ARF1: variants seen among roughly 807,000 people sequenced by gnomAD.
The protein encoded by ARF1 is ARF GTPase 1, also known as ADP-ribosylation factor 1.
A neutral mutation model predicts 18.0 loss-of-function variants in ARF1; 1 was observed. That is an observed-to-expected ratio of 0.06 (90% CI 0.02 to 0.26). ARF1 has a LOEUF of 0.26. Ranked by LOEUF, ARF1 falls within the 10% of genes least tolerant of loss-of-function variation. The pLI, the probability that ARF1 is intolerant of heterozygous loss-of-function variation, is 1.00. For missense variants in ARF1, 73 were observed against 247.2 expected (o/e 0.30, Z 4.73); for synonymous variants, 112 against 96.3 (o/e 1.16, Z -0.95).
intron 1 of ARF1, chr1:228,091,149 C>T (rs2032564556): frequency 6.6e-6 from 1 of 152,228 alleles, no homozygotes; most frequent in Non-Finnish European, 1.5e-5. Flanking sequence ...TCCCAGAACT[C>T]AGTCCATGAG....
chr1:228,098,573 G>C lies in ARF1; in HGVS notation c.*560G>C, dbSNP rs568854378. The C allele has an allele frequency of 6.5e-6, 1 of 152,772 alleles. No homozygotes were observed. Among genetic ancestry groups the C allele is most frequent in the Non-Finnish European group, 1.5e-5 (1 of 68,206 alleles). The allele number at this position is 152,772 out of a possible 1,614,324, so 9.5% of individuals were successfully genotyped here. On this transcript the variant is annotated 3_prime_UTR_variant, in exon 5 of 5. Transcript: ENST00000272102. ...AGGTGGTGGTGGCGCAGCAGACTGC[G>C]ATCAATTCTGCATGGTCACAGTAGA...
chr1:228,095,490 A>G (rs1382748313), intron 1 of ARF1, among the ~76,000 whole-genome samples: 1 of 152,106 alleles, frequency 6.6e-6, no homozygotes, highest in Non-Finnish European at 1.5e-5. Context: ...ACCCGACCCA[A>G]CACAAATTTC....
At chr1:228,088,712 G>A (rs927209701) in intron 1 of ARF1, among the ~76,000 whole-genome samples, 1 of 152,132 alleles carries the variant, frequency 6.6e-6, no homozygotes, top group Admixed American at 6.5e-5. Flanking sequence ...GTCAGTGCAT[G>A]AGCAGCCTGG....
chr1:228,095,690 C>G (rs767446745), intron 1 of ARF1, among the ~76,000 whole-genome samples: 8 of 152,316 alleles, frequency 5.3e-5, no homozygotes, highest in African/African-American at 7.2e-5. Context: ...TTTTCTCTGC[C>G]TGGTCAATCA....
Position 228,089,370 on chromosome 1 carries a change from G to T in ARF1, c.-38+6605G>T, listed in dbSNP as rs2032501887. On this transcript the variant is annotated intron_variant, in intron 1 of 4. Transcript: ENST00000272102. This position sits in a 1 kb window ranked among gnomAD's most constrained non-coding sequence, Gnocchi z 4.1. The stretch of plus-strand genomic sequence containing the variant: ...GGGCGGTGGCCTCCCAGGGTCTGTG[G>T]GGGGGCATCCCCGTCTCTTTACATG... 6.6e-6 allele frequency among the ~76,000 whole-genome samples: 1 copy of T among 152,156 alleles called. No individual in the cohort carries two copies. The highest frequency in any genetic ancestry group is 2.4e-5 in the African/African-American group (1 of 41,436).
At chr1:228,087,619 G>A (rs1396419043) in intron 1 of ARF1, among the ~76,000 whole-genome samples, 2 of 152,114 alleles carry the variant, frequency 1.3e-5, no homozygotes, top group South Asian at 2.1e-4. Context: ...TCCAGCTTGA[G>A]TAACAGAGCA....
At chr1:228,094,686 C>T (rs931643296) in intron 1 of ARF1, among the ~76,000 whole-genome samples, 3 of 152,256 alleles carry the variant, frequency 2.0e-5, no homozygotes, top group African/African-American at 7.2e-5. Flanking sequence ...CCCTGGTTCC[C>T]TGGGGGAGCT....
chr1:228,091,944 G>A lies in ARF1; in HGVS notation c.-37-5134G>A, dbSNP rs374942708. 4.6e-5 allele frequency among the ~76,000 whole-genome samples: 7 copies of A among 152,214 alleles called. No homozygotes were observed. In the East Asian group the frequency reaches 1.2e-3, roughly 25 times the overall value. ...GTGGGACATGAACACAGGCTTTCAC[G>A]AAATTGATCATCTACACTATATGTA... On this transcript the variant is annotated intron_variant, in intron 1 of 4. Coordinates refer to ENST00000272102, the MANE Select transcript of ARF1 (RefSeq NM_001658.4).
chr1:228,088,502 C>G (rs927216121), intron 1 of ARF1, among the ~76,000 whole-genome samples: 1 of 152,134 alleles, frequency 6.6e-6, no homozygotes, highest in Non-Finnish European at 1.5e-5. Context: ...GTCTGATGTC[C>G]CAGACCTGTT....
intron 1 of ARF1, among the ~76,000 whole-genome samples, chr1:228,087,316 C>T (rs1294593771): frequency 6.6e-6 from 1 of 152,224 alleles, no homozygotes; most frequent in African/African-American, 2.4e-5. Context: ...CATCTATACT[C>T]ATCCTGGGGA....
intron 1 of ARF1, chr1:228,090,484 C>T (rs1415370896): frequency 6.6e-6 from 1 of 152,226 alleles, no homozygotes; most frequent in Admixed American, 6.5e-5. Flanking sequence ...AGCTGTTCCT[C>T]GTTGCAGTGT....
intron 1 of ARF1, among the ~76,000 whole-genome samples, chr1:228,084,598 C>A (rs966325758): frequency 3.9e-5 from 6 of 152,176 alleles, no homozygotes; most frequent in Non-Finnish European, 7.4e-5. Context: ...ATGGGCTGTA[C>A]CTCTTGCACA....
chr1:228,085,827 A>G (rs1321452969), intron 1 of ARF1, among the ~76,000 whole-genome samples: 1 of 152,240 alleles, frequency 6.6e-6, no homozygotes, highest in Non-Finnish European at 1.5e-5. Flanking sequence ...GTCCATGAAC[A>G]TTTCAGGAAG....
At position 228,095,860 on chromosome 1, in the gene ARF1, C is replaced by A. The variant is rs113063082; in HGVS notation, c.-37-1218C>A. 6.0e-3 allele frequency among the ~76,000 whole-genome samples: 913 copies of A among 152,304 alleles called. 11 individuals carry two copies. The highest frequency in any genetic ancestry group is 0.021 in the African/African-American group (883 of 41,572). The stretch of plus-strand genomic sequence containing the variant: ...TGGTCTTCCTCTGGGCTTAGAAAAC[C>A]TGGCCGTCCCCAAAAAGGGAACACT... On this transcript the variant is annotated intron_variant, in intron 1 of 4. Coordinates refer to ENST00000272102, the MANE Select transcript of ARF1 (RefSeq NM_001658.4).
rs146725028 is a variant in ARF1, at chr1:228,093,820, C to G, written c.-37-3258C>G. 1.8e-3 allele frequency among the ~76,000 whole-genome samples: 270 copies of G among 151,772 alleles called. 1 individual carries two copies. The highest frequency in any genetic ancestry group is 5.2e-3 in the South Asian group (25 of 4,810). ...GCACGCGCCTGTAGTCCCAGCTACT[C>G]GGGAAGCTGAGGCAAGAGAATCTCG... is the stretch of plus-strand genomic sequence containing the variant. On this transcript the variant is annotated intron_variant, in intron 1 of 4. Coordinates refer to ENST00000272102, the MANE Select transcript of ARF1 (RefSeq NM_001658.4).
chr1:228,083,337 C>T (rs994518132), intron 1 of ARF1: 4 of 152,290 alleles, frequency 2.6e-5, no homozygotes, highest in Admixed American at 1.3e-4. Context: ...GCATCTTCGC[C>T]TCCCGACTCC....
chr1:228,089,690 A>C lies in ARF1; in HGVS notation c.-38+6925A>C, dbSNP rs1052521579. ...CCCCCTTCTAGTGGTTGGAGGAAGG[A>C]GCAACTTGCTCTCCCAGTTTATGAC... On this transcript the variant is annotated intron_variant, in intron 1 of 4. Coordinates refer to ENST00000272102, the MANE Select transcript of ARF1 (RefSeq NM_001658.4). This position sits in a 1 kb window ranked among gnomAD's most constrained non-coding sequence, Gnocchi z 4.1. Among the ~76,000 whole-genome samples, 2 of 151,906 alleles carry C rather than the reference A, an allele frequency of 1.3e-5. No individual in the cohort carries two copies. Among genetic ancestry groups the C allele is most frequent in the Non-Finnish European group, 2.9e-5 (2 of 67,984 alleles).
chr1:228,086,991 C>T (rs2032422725), intron 1 of ARF1, among the ~76,000 whole-genome samples: 1 of 152,174 alleles, frequency 6.6e-6, no homozygotes, highest in Admixed American at 6.5e-5. Context: ...AACCCCTGCT[C>T]ATGTGGTGTG....
At position 228,097,722 on chromosome 1, in the gene ARF1, G is replaced by C. The variant is rs200897192; in HGVS notation, c.384+7G>C. ...GGTGTTCGCCAACAAGCAGGTAGGC[G>C]CCCGGGCCAGCCTGGGGAATGTGAG... On this transcript the variant is annotated splice_region_variant and intron_variant, in intron 4 of 4. Coordinates refer to ENST00000272102, the MANE Select transcript of ARF1 (RefSeq NM_001658.4). The surrounding 1 kb of genome is among the most constrained non-coding windows in gnomAD (Gnocchi z 8.1). 1.4e-5 allele frequency: 22 copies of C among 1,601,812 alleles called. No homozygotes were observed. The highest frequency in any genetic ancestry group is 2.2e-5 in the East Asian group (1 of 44,784).
Sources: gnomAD v4.1 joint callset for allele counts (sites outside exome capture counted in the v4.1 genomes callset) on GRCh38, gnomAD v4.1.1 for gene constraint, Gnocchi (gnomAD v3.1) non-coding constraint, MANE v1.5 for transcripts, NCBI Gene and HGNC (gene_info 2026-07-23, HGNC 2026-07-21) for gene names.